DCC: variants seen among roughly 807,000 people sequenced by gnomAD.
DCC encodes netrin receptor DCC.
A neutral mutation model predicts 172.5 loss-of-function variants in DCC; 58 were observed. The observed-to-expected ratio is 0.34, with a 90% CI of 0.27 to 0.42. The LOEUF (loss-of-function observed/expected upper bound fraction) is 0.42. Among genes scored for constraint, DCC ranks in the 10% least tolerant of loss-of-function variants. The probability of loss-of-function intolerance (pLI) is 1.00; values close to 1 mark genes in which losing one functional copy is unlikely to be tolerated. For missense variants in DCC, 1,740 were observed against 1,791.0 expected, an observed-to-expected ratio of 0.97 and a Z score of 0.51; for synonymous variants, 709 against 644.5, an observed-to-expected ratio of 1.10 and a Z score of -1.52.
In DCC at chr18:53,200,410, T is replaced by G. The variant is rs1014548340; in HGVS notation, c.1574-4806T>G. Among the ~76,000 whole-genome samples, 15 of 152,212 alleles carry G rather than the reference T, an allele frequency of 9.9e-5. 1 individual carries two copies. The highest frequency in any genetic ancestry group is 2.2e-4 in the Non-Finnish European group (15 of 68,038). On this transcript the variant is annotated intron_variant, in intron 9 of 28. Transcript: ENST00000442544. ...TTAGGCCTGTGATTTATGGTAACAT[T>G]TGTAACTGTATATAAAATCACTCAT...
At position 52,904,015 on chromosome 18, in the gene DCC, G is replaced by T. The variant is rs79733740; in HGVS notation, c.413-2029G>T. On this transcript the variant is annotated intron_variant, in intron 2 of 28. Coordinates refer to ENST00000442544, the MANE Select transcript of DCC (RefSeq NM_005215.4). ...GTAGATGCAGCACAGACACAGATTA[G>T]TTCTAACTGAAAAAGAATAAAATTA... Among the ~76,000 whole-genome samples, 878 of 152,338 alleles carry T rather than the reference G, an allele frequency of 5.8e-3. 5 individuals are homozygous for T. The highest frequency in any genetic ancestry group is 9.4e-3 in the Non-Finnish European group (642 of 68,034).
Position 53,397,368 on chromosome 18 carries a change from G to A in DCC, c.2749G>A (p.Glu917Lys). 1 of 1,613,792 alleles carries A rather than the reference G, an allele frequency of 6.2e-7. No individual in the cohort carries two copies. The highest frequency in any genetic ancestry group is 8.5e-7 in the Non-Finnish European group (1 of 1,179,870). Residue 917 changes from glutamate to lysine, a missense_variant, in exon 18 of 29, where the codon GAA becomes AAA. Physicochemically the swap from Glu to Lys is moderately conservative, Grantham distance 56. Coordinates refer to ENST00000442544, the MANE Select transcript of DCC (RefSeq NM_005215.4). ...AGGCCTCAAACCAAACACAATGTAT[G>A]AATTCTCGGTCATGGTAACAAAAAA... is the stretch of plus-strand genomic sequence containing the variant. ...ATGLKPNTMY[E>K]FSVMVTKNRR...
At chr18:52,688,765 T>C (rs1347190936) in intron 1 of DCC, among the ~76,000 whole-genome samples, 2 of 152,082 alleles carry the variant, frequency 1.3e-5, no homozygotes, top group Non-Finnish European at 2.9e-5. Context: ...CTTAAGTATA[T>C]ACAATTAAAA....
At chr18:52,496,290 G>T (rs1394305229) in intron 1 of DCC, among the ~76,000 whole-genome samples, 1 of 152,042 alleles carries the variant, frequency 6.6e-6, no homozygotes, top group African/African-American at 2.4e-5. Context: ...GCAATCAAGA[G>T]TATGTACATC....
chr18:52,344,536 G>A (rs1172669332), intron 1 of DCC, among the ~76,000 whole-genome samples: 1 of 152,158 alleles, frequency 6.6e-6, no homozygotes, highest in Non-Finnish European at 1.5e-5. Context: ...CTCCTGGAAT[G>A]TTTGCAGCTG....
intron 2 of DCC, among the ~76,000 whole-genome samples, chr18:52,790,171 C>T (rs2037733006): frequency 6.6e-6 from 1 of 152,118 alleles, no homozygotes; most frequent in Non-Finnish European, 1.5e-5. Context: ...GGTATTGCTC[C>T]CAAAGACATG....
At position 53,467,957 on chromosome 18, in the gene DCC, G is replaced by A. The variant is rs751280613; in HGVS notation, c.3683G>A (p.Arg1228Gln). Residue 1228 changes from arginine to glutamine, a missense_variant, in exon 25 of 29, where the codon CGA (arginine) becomes CAA (glutamine). Arg to Gln is a conservative substitution (Grantham distance 43, BLOSUM62 1). Transcript: ENST00000442544. ...STLERSLAAR[R>Q]APRAKLMIPM... ...CTGGAGAGGTCGCTGGCTGCACGCC[G>A]AGCCCCCCGGGCCAAGCTCATGATT... The A allele has an allele frequency of 1.4e-5, 22 of 1,613,060 alleles. No homozygotes were observed. The highest frequency in any genetic ancestry group is 9.3e-5 in the African/African-American group (7 of 75,006).
intron 26 of DCC, among the ~76,000 whole-genome samples, chr18:53,490,459 A>G (rs922329331): frequency 6.6e-6 from 1 of 152,168 alleles, no homozygotes; most frequent in African/African-American, 2.4e-5. Context: ...ATTTATATGT[A>G]TTGACATTAA....
intron 7 of DCC, among the ~76,000 whole-genome samples, chr18:53,094,802 A>G (rs2043062196): frequency 6.6e-6 from 1 of 152,116 alleles, no homozygotes; most frequent in South Asian, 2.1e-4. Context: ...CTAAATATCT[A>G]TTTTTTCTAT....
intron 1 of DCC, among the ~76,000 whole-genome samples, chr18:52,743,383 T>C (rs1326738970): frequency 6.6e-6 from 1 of 152,156 alleles, no homozygotes; most frequent in African/African-American, 2.4e-5. Context: ...CATCAAAGTT[T>C]CTCTTTTTAG....
intron 9 of DCC, among the ~76,000 whole-genome samples, chr18:53,181,077 G>T (rs2055189392): frequency 6.6e-6 from 1 of 152,016 alleles, no homozygotes; most frequent in Non-Finnish European, 1.5e-5. Flanking sequence ...TGATAGATAG[G>T]TCAACAATTT....
At position 52,539,786 on chromosome 18, in the gene DCC, A is replaced by ATAAC. The variant is rs1352238410; in HGVS notation, c.91+198911_91+198914dup. Among the ~76,000 whole-genome samples, 11 of 152,312 alleles carry ATAAC rather than the reference A, an allele frequency of 7.2e-5. No homozygotes were observed. In the East Asian group the frequency reaches 1.7e-3, roughly 24 times the overall value. ...TGAGTATTCTCACCACAAAAACAGG[A>ATAAC]TAACTATGCAAGATAATACATGTAT... On this transcript the variant is annotated intron_variant, in intron 1 of 28. Coordinates refer to ENST00000442544, the MANE Select transcript of DCC (RefSeq NM_005215.4).
chr18:52,503,774 G>T (rs1481678269), intron 1 of DCC, among the ~76,000 whole-genome samples: 1 of 152,078 alleles, frequency 6.6e-6, no homozygotes, highest in Non-Finnish European at 1.5e-5. Flanking sequence ...CAGGTTGGGT[G>T]TCTCATTTCT....
At chr18:53,305,518 G>T in intron 12 of DCC, 60 bp from the exon 13 acceptor site, 2 of 1,430,194 alleles carry the variant, frequency 1.4e-6, no homozygotes, top group South Asian at 2.3e-5. Context: ...TTACTTCTTT[G>T]ACCCTGTCCC....
chr18:53,507,841 T>C (rs983334881), intron 27 of DCC, among the ~76,000 whole-genome samples: 8 of 152,044 alleles, frequency 5.3e-5, no homozygotes, highest in Non-Finnish European at 1.2e-4. Flanking sequence ...AAGTTTTATG[T>C]ATTTTTCTAC....
intron 7 of DCC, among the ~76,000 whole-genome samples, chr18:53,096,267 G>T (rs2043086915): frequency 6.6e-6 from 1 of 151,978 alleles, no homozygotes; most frequent in Non-Finnish European, 1.5e-5. Context: ...TGAGCCTGAG[G>T]GCCCAAGGTT....
At chr18:52,474,951 A>G (rs763771017) in intron 1 of DCC, among the ~76,000 whole-genome samples, 34 of 152,210 alleles carry the variant, frequency 2.2e-4, no homozygotes, top group Non-Finnish European at 4.1e-4. Context: ...AAGTTTTGGA[A>G]AGTAAATCAC....
chr18:52,767,406 T>G (rs190060912), intron 2 of DCC, among the ~76,000 whole-genome samples: 1 of 152,294 alleles, frequency 6.6e-6, no homozygotes, highest in Non-Finnish European at 1.5e-5. Flanking sequence ...AACTACCTAT[T>G]GGCCAGCTAC....
At chr18:52,445,557 G>A (rs1988095165) in intron 1 of DCC, among the ~76,000 whole-genome samples, 1 of 152,088 alleles carries the variant, frequency 6.6e-6, no homozygotes, top group Non-Finnish European at 1.5e-5. Flanking sequence ...TTGTTTATCT[G>A]TTACTTCTCT....
Sources: gnomAD v4.1 joint callset for allele counts (sites outside exome capture counted in the v4.1 genomes callset) on GRCh38, gnomAD v4.1.1 for gene constraint, MANE v1.5 for transcripts, NCBI Gene and HGNC (gene_info 2026-07-23, HGNC 2026-07-21) for gene names.